Variants in KHDRBS2 observed in about 807,000 individuals in gnomAD.
KHDRBS2 encodes KH RNA binding domain containing, signal transduction associated 2.
In KHDRBS2, 26 loss-of-function variants were observed where a neutral mutation model predicts 44.3. The observed-to-expected ratio is 0.59, with a 90% CI of 0.43 to 0.81. The LOEUF (loss-of-function observed/expected upper bound fraction) is 0.81, where lower values mean the gene tolerates loss of function less well. KHDRBS2 is among the 40% of genes least tolerant of loss of function. The probability of loss-of-function intolerance (pLI) is 0.00; values close to 1 mark genes in which losing one functional copy is unlikely to be tolerated. For missense variants in KHDRBS2, 476 were observed against 433.1 expected, an observed-to-expected ratio of 1.10 and a Z score of -0.88; for synonymous variants, 194 against 151.1, an observed-to-expected ratio of 1.28 and a Z score of -2.08.
the KHDRBS2 span, among the ~76,000 whole-genome samples, chr6:61,631,809 T>G: frequency 6.6e-6 from 1 of 152,058 alleles, no homozygotes; most frequent in Non-Finnish European, 1.5e-5. Flanking sequence ...ACAAATCGTC[T>G]GAATGTGAGT....
At chr6:61,761,146 T>G (rs1470390082) in intron 6 of KHDRBS2, among the ~76,000 whole-genome samples, 4 of 152,114 alleles carry the variant, frequency 2.6e-5, no homozygotes, top group Non-Finnish European at 5.9e-5. Context: ...CCAGAGAAAT[T>G]GTCTTTAAGC....
chr6:61,747,069 G>A (rs779705770), intron 6 of KHDRBS2, among the ~76,000 whole-genome samples: 10 of 151,014 alleles, frequency 6.6e-5, no homozygotes, highest in East Asian at 1.9e-4. Context: ...AAAAGTGGAC[G>A]AAGGATAAGA....
intron 3 of KHDRBS2, among the ~76,000 whole-genome samples, chr6:62,012,231 T>C (rs1265788944): frequency 6.6e-6 from 1 of 152,196 alleles, no homozygotes; most frequent in Non-Finnish European, 1.5e-5. Context: ...TCATTAACTA[T>C]ACCTCAGCTA....
At chr6:61,804,321 T>A (rs1313925962) in intron 6 of KHDRBS2, among the ~76,000 whole-genome samples, 2 of 152,166 alleles carry the variant, frequency 1.3e-5, no homozygotes, top group Non-Finnish European at 2.9e-5. Flanking sequence ...TAGGTTCCCA[T>A]GGCCTTGGAC....
At chr6:61,925,686 C>T (rs1449933350) in intron 4 of KHDRBS2, among the ~76,000 whole-genome samples, 5 of 148,900 alleles carry the variant, frequency 3.4e-5, no homozygotes, top group Admixed American at 2.7e-4. Flanking sequence ...TGGACCACTG[C>T]ACTCTAGCCT....
chr6:62,064,053 C>T (rs1218574617), intron 2 of KHDRBS2, among the ~76,000 whole-genome samples: 1 of 138,946 alleles, frequency 7.2e-6, no homozygotes, highest in Admixed American at 7.7e-5. Context: ...GAATAAAATA[C>T]CTAGGAATCC....
In KHDRBS2 at chr6:62,217,277, C is replaced by A. The variant is rs1338454948; in HGVS notation, c.92-39965G>T. 1.3e-5 allele frequency among the ~76,000 whole-genome samples: 2 copies of A among 151,164 alleles called. 1 individual carries two copies. Among genetic ancestry groups the A allele is most frequent in the Non-Finnish European group, 3.0e-5 (2 of 67,692 alleles). ...TCAATCAATCCTATATTCAAATGAC[C>A]AGAAAAAAAAGCTAAATTCATATAT... On this transcript the variant is annotated intron_variant, in intron 1 of 8. Coordinates refer to ENST00000281156, the MANE Select transcript of KHDRBS2 (RefSeq NM_152688.4).
chr6:62,021,082 A>G (rs1224522285), intron 3 of KHDRBS2, among the ~76,000 whole-genome samples: 2 of 152,092 alleles, frequency 1.3e-5, no homozygotes, highest in African/African-American at 4.8e-5. Context: ...CTTTTCAGGA[A>G]AATGGATGGA....
chr6:62,074,762 T>A (rs3914604), intron 2 of KHDRBS2, among the ~76,000 whole-genome samples: 7 of 151,590 alleles, frequency 4.6e-5, no homozygotes, highest in Non-Finnish European at 8.8e-5. Context: ...GCTATTAGAC[T>A]TGAGCTAAAT....
chr6:61,831,584 A>C (rs1166765728), intron 6 of KHDRBS2, among the ~76,000 whole-genome samples: 1 of 152,142 alleles, frequency 6.6e-6, no homozygotes, highest in Non-Finnish European at 1.5e-5. Flanking sequence ...GAACCTTCAT[A>C]GTATAACCCA....
intron 7 of KHDRBS2, among the ~76,000 whole-genome samples, chr6:61,730,732 C>T (rs1415874821): frequency 3.3e-5 from 5 of 151,862 alleles, no homozygotes; most frequent in Non-Finnish European, 5.9e-5. Flanking sequence ...GGGAAGGCAG[C>T]AGAAGTGTGT....
intron 6 of KHDRBS2, among the ~76,000 whole-genome samples, chr6:61,796,519 C>G (rs1404543608): frequency 6.6e-6 from 1 of 151,830 alleles, no homozygotes; most frequent in African/African-American, 2.4e-5. Flanking sequence ...ACAAACCTCG[C>G]TTTTGAGTCT....
At chr6:61,929,240 A>C (rs1319994036) in intron 4 of KHDRBS2, among the ~76,000 whole-genome samples, 1 of 152,196 alleles carries the variant, frequency 6.6e-6, no homozygotes, top group African/African-American at 2.4e-5. Flanking sequence ...TTTTAATTTC[A>C]AGTAATTACC....
intron 3 of KHDRBS2, among the ~76,000 whole-genome samples, chr6:62,044,288 C>A (rs1485463558): frequency 6.6e-6 from 1 of 151,784 alleles, no homozygotes; most frequent in Non-Finnish European, 1.5e-5. Flanking sequence ...CCAGCCTGGA[C>A]AACAAAAGGA....
chr6:61,749,293 G>T (rs1434190897), intron 6 of KHDRBS2, among the ~76,000 whole-genome samples: 3 of 152,060 alleles, frequency 2.0e-5, no homozygotes, highest in African/African-American at 4.8e-5. Flanking sequence ...GATTACAGGC[G>T]TGAGCCACCG....
the KHDRBS2 span, among the ~76,000 whole-genome samples, chr6:61,612,870 T>C: frequency 2.5e-5 from 2 of 78,664 alleles, no homozygotes; most frequent in African/African-American, 8.2e-5. Flanking sequence ...TTTTTTTTTT[T>C]GAGACGGAGT....
chr6:61,615,574 C>T, the KHDRBS2 span, among the ~76,000 whole-genome samples: 1 of 152,148 alleles, frequency 6.6e-6, no homozygotes, highest in African/African-American at 2.4e-5. Flanking sequence ...CTTGGAAATA[C>T]CTGAATTCCT....
chr6:61,938,889 C>A (rs1187562020), intron 4 of KHDRBS2, among the ~76,000 whole-genome samples: 1 of 152,072 alleles, frequency 6.6e-6, no homozygotes, highest in Non-Finnish European at 1.5e-5. Context: ...CACCAAGTGT[C>A]CTCCTCAAGG....
intron 6 of KHDRBS2, among the ~76,000 whole-genome samples, chr6:61,743,023 A>G (rs1341047439): frequency 6.6e-6 from 1 of 152,168 alleles, no homozygotes; most frequent in Non-Finnish European, 1.5e-5. Context: ...TGCATATGCA[A>G]GACAGTATTC....
Sources: allele counts gnomAD v4.1 joint callset (sites outside exome capture counted in the v4.1 genomes callset), GRCh38; gene constraint gnomAD v4.1.1; transcripts MANE v1.5; gene names NCBI Gene and HGNC (gene_info 2026-07-23, HGNC 2026-07-21).